Variants in ARHGAP24 observed in about 807,000 individuals in gnomAD.
ARHGAP24 encodes the protein rho GTPase-activating protein 24.
A neutral mutation model predicts 76.4 loss-of-function variants in ARHGAP24; 50 were observed. The ratio of observed to expected loss-of-function variants is 0.65; its 90% CI spans 0.52 to 0.83. The LOEUF (loss-of-function observed/expected upper bound fraction) is 0.83, where lower values mean the gene tolerates loss of function less well. ARHGAP24 is among the 40% of genes least tolerant of loss of function. ARHGAP24 has a pLI of 0.00. For synonymous variants in ARHGAP24, 345 were observed against 323.3 expected (o/e 1.07, Z -0.72); for missense variants, 930 against 914.2 (o/e 1.02, Z -0.22).
chr4:85,488,506 C>A (rs72970783), intron 1 of ARHGAP24, among the ~76,000 whole-genome samples: 2 of 152,008 alleles, frequency 1.3e-5, no homozygotes, highest in Non-Finnish European at 2.9e-5. Context: ...AGAATAAAAG[C>A]CTGCTTAGAA....
intron 3 of ARHGAP24, among the ~76,000 whole-genome samples, chr4:85,845,885 A>C (rs13134252): frequency 0.085 from 12,910 of 152,128 alleles, 659 homozygotes; most frequent in Middle Eastern, 0.13. Context: ...AAATTTAAGA[A>C]TATAATTTTT....
intron 4 of ARHGAP24, among the ~76,000 whole-genome samples, chr4:85,937,477 A>G (rs1204943497): frequency 6.6e-6 from 1 of 152,218 alleles, no homozygotes; most frequent in Non-Finnish European, 1.5e-5. Context: ...CCAAATTGAG[A>G]TACAAACCTG....
intron 4 of ARHGAP24, chr4:85,924,778 C>T (rs1348536970): frequency 1.3e-5 from 2 of 151,900 alleles, no homozygotes; most frequent in Non-Finnish European, 2.9e-5. Context: ...TCATTGAAAA[C>T]ATGATATTTT....
intron 3 of ARHGAP24, among the ~76,000 whole-genome samples, chr4:85,800,451 G>A (rs1728528967): frequency 1.3e-5 from 2 of 151,568 alleles, no homozygotes; most frequent in African/African-American, 4.9e-5. Context: ...TGGTAAAATA[G>A]CAAAATCTTA....
At chr4:85,864,007 A>G (rs941927661) in intron 3 of ARHGAP24, among the ~76,000 whole-genome samples, 9 of 152,066 alleles carry the variant, frequency 5.9e-5, no homozygotes, top group African/African-American at 2.2e-4. Context: ...TACATAGAGA[A>G]GAGGAGAAGA....
intron 2 of ARHGAP24, among the ~76,000 whole-genome samples, chr4:85,579,501 T>G (rs1727518581): frequency 6.6e-6 from 1 of 151,630 alleles, no homozygotes; most frequent in African/African-American, 2.4e-5. Context: ...AGGTTTTTTT[T>G]TTTTTTTTGC....
chr4:85,520,428 A>G (rs1300485028), intron 1 of ARHGAP24, among the ~76,000 whole-genome samples: 1 of 152,158 alleles, frequency 6.6e-6, no homozygotes, highest in Non-Finnish European at 1.5e-5. Flanking sequence ...ATAGAAGATA[A>G]TGGGCATAGG....
intron 2 of ARHGAP24, among the ~76,000 whole-genome samples, chr4:85,652,750 C>A (rs1227504709): frequency 1.3e-5 from 2 of 151,946 alleles, no homozygotes; most frequent in Non-Finnish European, 2.9e-5. Flanking sequence ...TAGGGGGTGG[C>A]AAGTTGGGGT....
intron 3 of ARHGAP24, among the ~76,000 whole-genome samples, chr4:85,807,412 T>C (rs1424622183): frequency 1.3e-5 from 2 of 152,174 alleles, no homozygotes; most frequent in African/African-American, 4.8e-5. Context: ...TTCAGTATAA[T>C]TTTTATCCCA....
intron 5 of ARHGAP24, among the ~76,000 whole-genome samples, chr4:85,969,169 A>G (rs1008366568): frequency 1.3e-5 from 2 of 152,118 alleles, no homozygotes; most frequent in African/African-American, 2.4e-5. Context: ...TAACTTTGCA[A>G]TCTCGCCATC....
chr4:85,861,994 A>T (rs182770690), intron 3 of ARHGAP24, among the ~76,000 whole-genome samples: 1 of 152,054 alleles, frequency 6.6e-6, no homozygotes, highest in East Asian at 1.9e-4. Flanking sequence ...TATTTCTCTA[A>T]TGTTTTTTCT....
At chr4:85,571,334 C>A (rs1727132313) in intron 2 of ARHGAP24, among the ~76,000 whole-genome samples, 1 of 152,214 alleles carries the variant, frequency 6.6e-6, no homozygotes, top group African/African-American at 2.4e-5. Context: ...CTCAAGACTG[C>A]AATGAGAGAG....
At chr4:85,848,350 C>G (rs546414655) in intron 3 of ARHGAP24, among the ~76,000 whole-genome samples, 21 of 152,172 alleles carry the variant, frequency 1.4e-4, no homozygotes, top group Non-Finnish European at 2.8e-4. Context: ...TACCCCATGA[C>G]AGGCCCTGGT....
chr4:85,726,648 A>G (rs997268095), intron 3 of ARHGAP24, among the ~76,000 whole-genome samples: 4 of 152,168 alleles, frequency 2.6e-5, no homozygotes, highest in Admixed American at 2.6e-4. Flanking sequence ...GCCTTCAGCA[A>G]CCAATATACC....
chr4:85,953,392 C>G (rs1415429308), intron 5 of ARHGAP24, among the ~76,000 whole-genome samples: 1 of 151,906 alleles, frequency 6.6e-6, no homozygotes, highest in Non-Finnish European at 1.5e-5. Context: ...GACAGAAAAG[C>G]CAGACATATT....
At position 85,966,644 on chromosome 4, in the gene ARHGAP24, TCAG is replaced by T. The variant is rs1233847890; in HGVS notation, c.600-5388_600-5386del. Among the ~76,000 whole-genome samples, 5 of 152,176 alleles carry T rather than the reference TCAG, an allele frequency of 3.3e-5. No homozygotes were observed. The East Asian group carries it at 9.6e-4, about 29-fold the overall frequency. On this transcript the variant is annotated intron_variant, in intron 5 of 9. Transcript: ENST00000395184. ...ATTGCTTTTCTGTGTCTTGCTGAAC[TCAG>T]CAGGCAAAGCAGAGGACTGCTTAAG... is the stretch of plus-strand genomic sequence containing the variant.
At chr4:85,691,326 T>C (rs1420502538) in intron 2 of ARHGAP24, among the ~76,000 whole-genome samples, 4 of 152,112 alleles carry the variant, frequency 2.6e-5, no homozygotes, top group Non-Finnish European at 4.4e-5. Flanking sequence ...TATCCTATGG[T>C]TATTGGGTGT....
intron 2 of ARHGAP24, among the ~76,000 whole-genome samples, chr4:85,626,404 T>G (rs1421962802): frequency 6.6e-6 from 1 of 152,214 alleles, no homozygotes. Flanking sequence ...TGGTCCCCAC[T>G]CTCTTCTGGC....
chr4:85,556,818 G>T (rs1434428173), intron 1 of ARHGAP24, among the ~76,000 whole-genome samples: 1 of 152,184 alleles, frequency 6.6e-6, no homozygotes, highest in Non-Finnish European at 1.5e-5. Context: ...CTGCAGGACA[G>T]CAAAAATGGT....
Sources: gnomAD v4.1 joint callset for allele counts (sites outside exome capture counted in the v4.1 genomes callset) on GRCh38, gnomAD v4.1.1 for gene constraint, MANE v1.5 for transcripts, NCBI Gene and HGNC (gene_info 2026-07-23, HGNC 2026-07-21) for gene names.